ATG5: variants seen among roughly 807,000 people sequenced by gnomAD.
ATG5 encodes the protein autophagy related 5, also known as autophagy protein 5.
A neutral mutation model predicts 36.5 loss-of-function variants in ATG5; 14 were observed. That is an observed-to-expected ratio of 0.38 (90% CI 0.25 to 0.60). The LOEUF (loss-of-function observed/expected upper bound fraction) is 0.60. Ranked by LOEUF, ATG5 falls within the 20% of genes least tolerant of loss-of-function variation. ATG5 has a pLI of 0.60. For synonymous variants in ATG5, 95 were observed against 101.5 expected, an observed-to-expected ratio of 0.94 and a Z score of 0.38; for missense variants, 195 against 326.7, an observed-to-expected ratio of 0.60 and a Z score of 3.11.
At chr6:106,322,766 C>T (rs1041714317) in intron 1 of ATG5, among the ~76,000 whole-genome samples, 6 of 152,216 alleles carry the variant, frequency 3.9e-5, no homozygotes. Context: ...AACACTTATA[C>T]ATTTACACTC....
intron 6 of ATG5, among the ~76,000 whole-genome samples, chr6:106,211,564 G>A (rs1776853205): frequency 6.6e-6 from 1 of 152,180 alleles, no homozygotes; most frequent in Non-Finnish European, 1.5e-5. Context: ...AAAAAAATTA[G>A]CCGGGAGTGG....
At chr6:106,292,607 T>C (rs1780357366) in intron 4 of ATG5, among the ~76,000 whole-genome samples, 2 of 152,218 alleles carry the variant, frequency 1.3e-5, no homozygotes. Context: ...TTTTTGTTTT[T>C]TCTAGCCGAC....
chr6:106,205,685 T>A (rs1776604234), intron 6 of ATG5, among the ~76,000 whole-genome samples: 1 of 152,194 alleles, frequency 6.6e-6, no homozygotes, highest in Admixed American at 6.5e-5. Context: ...TTTTTATATA[T>A]CTTTTTTTTC....
rs146746658 is a variant in ATG5 at position 106,284,839 on chromosome 6, T to C, written c.316-5016A>G. 7.2e-3 allele frequency among the ~76,000 whole-genome samples: 1,102 copies of C among 152,218 alleles called. 9 individuals carry two copies. The highest frequency in any genetic ancestry group is 0.027 in the Middle Eastern group (8 of 294). Reference sequence around the variant, plus strand: ...ATGTCTATTCGAATCCTTTGACTAATTTTTAATTGGGTTTCTTTTTATTAT... The same window carrying C: ...ATGTCTATTCGAATCCTTTGACTAACTTTTAATTGGGTTTCTTTTTATTAT... On this transcript the variant is annotated intron_variant, in intron 4 of 7. Coordinates refer to ENST00000369076, the MANE Select transcript of ATG5 (RefSeq NM_004849.4).
chr6:106,204,577 C>T (rs1776559636), intron 6 of ATG5, among the ~76,000 whole-genome samples: 1 of 151,980 alleles, frequency 6.6e-6, no homozygotes, highest in Non-Finnish European at 1.5e-5. Context: ...CCCCATGTGT[C>T]GAGGGAGGGA....
chr6:106,228,610 A>G (rs1290935020), intron 6 of ATG5, among the ~76,000 whole-genome samples: 3 of 152,098 alleles, frequency 2.0e-5, no homozygotes, highest in Non-Finnish European at 4.4e-5. Context: ...CCATCTTCGG[A>G]GTTCTGGGAG....
chr6:106,187,423 G>A (rs1775817914), intron 7 of ATG5, among the ~76,000 whole-genome samples: 2 of 151,548 alleles, frequency 1.3e-5, no homozygotes, highest in South Asian at 2.1e-4. Flanking sequence ...GTGTTGTACT[G>A]ACAACTTTTA....
At chr6:106,209,337 C>T (rs141508940) in intron 6 of ATG5, among the ~76,000 whole-genome samples, 5 of 152,148 alleles carry the variant, frequency 3.3e-5, no homozygotes, top group African/African-American at 1.2e-4. Context: ...CCACGGAATA[C>T]TACTCAGCAA....
At chr6:106,294,893 T>C (rs572007940) in intron 3 of ATG5, among the ~76,000 whole-genome samples, 2 of 141,220 alleles carry the variant, frequency 1.4e-5, no homozygotes, top group African/African-American at 5.3e-5. Flanking sequence ...TCGGTAAAAA[T>C]AAAGCAGTGG....
At chr6:106,202,332 T>C (rs1309884523) in intron 6 of ATG5, 7 of 368,450 alleles carry the variant, frequency 1.9e-5, no homozygotes, top group Non-Finnish European at 3.5e-5. Context: ...GATAATTGGC[T>C]GGGACCCTTC....
At chr6:106,238,703 C>T (rs764201221) in intron 6 of ATG5, among the ~76,000 whole-genome samples, 1 of 152,082 alleles carries the variant, frequency 6.6e-6, no homozygotes, top group Non-Finnish European at 1.5e-5. Flanking sequence ...GACCAAGAGC[C>T]CTGCCAGGTA....
rs542143227 is a variant in ATG5 at position 106,235,075 on chromosome 6, C to T, written c.573+13075G>A. Among the ~76,000 whole-genome samples, 3 of 152,298 alleles carry T rather than the reference C, an allele frequency of 2.0e-5. 1 individual carries two copies. The highest frequency in any genetic ancestry group is 4.1e-4 in the South Asian group (2 of 4,828). ...TGAAGAAATTCGAGATTGAATACAA[C>T]GTAGAACAGAGGAGCTTCAAAAACA... is the stretch of plus-strand genomic sequence containing the variant. On this transcript the variant is annotated intron_variant, in intron 6 of 7. Coordinates refer to ENST00000369076, the MANE Select transcript of ATG5 (RefSeq NM_004849.4).
At chr6:106,304,846 C>G (rs959133453) in intron 3 of ATG5, among the ~76,000 whole-genome samples, 2 of 152,176 alleles carry the variant, frequency 1.3e-5, no homozygotes, top group Non-Finnish European at 2.9e-5. Context: ...AATCCCAGCA[C>G]TTTGGGAGGC....
intron 6 of ATG5, among the ~76,000 whole-genome samples, chr6:106,211,434 G>A (rs940180002): frequency 3.9e-5 from 6 of 152,222 alleles, no homozygotes; most frequent in African/African-American, 1.4e-4. Context: ...GGACAGGCCG[G>A]GCGTGGTGGC....
chr6:106,202,123 T>A, intron 6 of ATG5, 34 bp from the exon 7 acceptor site: 1 of 1,543,576 alleles, frequency 6.5e-7, no homozygotes, highest in East Asian at 2.2e-5. Flanking sequence ...TTCAAGCAAT[T>A]AAGTCTTTGT....
At chr6:106,276,604 C>T (rs1779667052) in intron 5 of ATG5, among the ~76,000 whole-genome samples, 2 of 152,126 alleles carry the variant, frequency 1.3e-5, no homozygotes, top group South Asian at 2.1e-4. Flanking sequence ...TCCAATGCCC[C>T]AAATAAAACA....
intron 7 of ATG5, among the ~76,000 whole-genome samples, chr6:106,189,594 A>G (rs903565467): frequency 2.0e-5 from 3 of 151,800 alleles, no homozygotes; most frequent in Non-Finnish European, 4.4e-5. Flanking sequence ...GCACTACAGC[A>G]TGGGTAACAA....
intron 5 of ATG5, among the ~76,000 whole-genome samples, chr6:106,261,004 A>T (rs1226775535): frequency 1.3e-5 from 2 of 152,254 alleles, no homozygotes; most frequent in African/African-American, 4.8e-5. Context: ...ATGAACCAGC[A>T]TTAACTACTG....
At chr6:106,279,059 G>T (rs960747714) in intron 5 of ATG5, among the ~76,000 whole-genome samples, 1 of 152,180 alleles carries the variant, frequency 6.6e-6, no homozygotes, top group Non-Finnish European at 1.5e-5. Context: ...CCATGGAAAG[G>T]GAGGACTATC....
Sources: allele counts gnomAD v4.1 joint callset (sites outside exome capture counted in the v4.1 genomes callset), GRCh38; gene constraint gnomAD v4.1.1; transcripts MANE v1.5; gene names NCBI Gene and HGNC (gene_info 2026-07-23, HGNC 2026-07-21).